The following SLC39A11 variants were observed in gnomAD, a reference collection of about 807,000 sequenced individuals.
SLC39A11 encodes the protein zinc transporter ZIP11.
A neutral mutation model predicts 36.1 loss-of-function variants in SLC39A11; 33 were observed. The ratio of observed to expected loss-of-function variants is 0.91; its 90% confidence interval spans 0.69 to 1.22. The LOEUF (loss-of-function observed/expected upper bound fraction) is 1.22, where lower values mean the gene tolerates loss of function less well. Ranked by LOEUF, SLC39A11 falls within the 50% of genes most tolerant of loss-of-function variation. The pLI, the probability that SLC39A11 is intolerant of heterozygous loss-of-function variation, is 0.00. For synonymous variants in SLC39A11, 166 were observed against 170.3 expected (o/e 0.97, Z 0.20); for missense variants, 432 against 430.3 (o/e 1.00, Z -0.03).
intron 6 of SLC39A11, among the ~76,000 whole-genome samples, chr17:72,794,396 C>A (rs1251664295): frequency 6.6e-6 from 1 of 152,068 alleles, no homozygotes; most frequent in Non-Finnish European, 1.5e-5. Context: ...CTGTTGGGTC[C>A]CAGCCAATCA....
At chr17:73,040,701 A>C (rs2059075894) in intron 3 of SLC39A11, among the ~76,000 whole-genome samples, 1 of 152,216 alleles carries the variant, frequency 6.6e-6, no homozygotes, top group African/African-American at 2.4e-5. Context: ...TGATTATAAC[A>C]TGCCCAGGCA....
At chr17:72,797,969 T>G (rs943969304) in intron 6 of SLC39A11, among the ~76,000 whole-genome samples, 2 of 152,086 alleles carry the variant, frequency 1.3e-5, no homozygotes, top group African/African-American at 4.8e-5. Context: ...TTCTCTCTCA[T>G]GCACTCATGG....
chr17:72,670,290 G>C (rs2070967093), intron 7 of SLC39A11, among the ~76,000 whole-genome samples: 2 of 151,224 alleles, frequency 1.3e-5, no homozygotes. Context: ...ATGATCACTT[G>C]AGGCTGGGAG....
rs1366393534 is a variant in SLC39A11 at position 72,900,024 on chromosome 17, GAGAGAGAGAGAA to G, written c.430+47716_430+47727del. Among the ~76,000 whole-genome samples the G allele has an allele frequency of 1.9e-3, 259 of 137,016 alleles. 3 individuals are homozygous for G. Among genetic ancestry groups the G allele is most frequent in the Non-Finnish European group, 2.1e-3 (140 of 65,490 alleles). 89.9% of individuals were successfully genotyped at this position (137,016 alleles called of 152,430 possible). A position where few individuals can be genotyped will look rare whatever the true frequency, so the allele number is the denominator to read the frequency against. On this transcript the variant is annotated intron_variant, in intron 5 of 9. Transcript: ENST00000255559. ...AGAGAAAGAGAGAGAGAGAGAAAGA[GAGAGAGAGAGAA>G]AGAGAGAGAGAAAGAGAAAGAAAGA...
intron 5 of SLC39A11, 67 bp from the exon 6 acceptor site, chr17:72,849,871 T>A: frequency 7.2e-7 from 1 of 1,392,946 alleles, no homozygotes; most frequent in Non-Finnish European, 9.5e-7. Flanking sequence ...ACGTTAACTC[T>A]CCAGCAAGCT....
chr17:72,818,101 A>G (rs986999805), intron 6 of SLC39A11, among the ~76,000 whole-genome samples: 1 of 152,170 alleles, frequency 6.6e-6, no homozygotes, highest in Non-Finnish European at 1.5e-5. Flanking sequence ...CCCACGACAC[A>G]TGAGGATTAT....
chr17:72,786,322 C>T (rs1460837335), intron 6 of SLC39A11, among the ~76,000 whole-genome samples: 1 of 152,210 alleles, frequency 6.6e-6, no homozygotes, highest in Non-Finnish European at 1.5e-5. Flanking sequence ...TCGATGCTGG[C>T]ACTTCCAGAC....
intron 5 of SLC39A11, among the ~76,000 whole-genome samples, chr17:72,899,407 C>G (rs1340761645): frequency 6.6e-6 from 1 of 152,152 alleles, no homozygotes; most frequent in Non-Finnish European, 1.5e-5. Context: ...TTTTTACCCT[C>G]TTAAGTCCCA....
intron 6 of SLC39A11, among the ~76,000 whole-genome samples, chr17:72,740,207 C>T (rs907533214): frequency 4.0e-5 from 6 of 151,826 alleles, no homozygotes; most frequent in Admixed American, 2.0e-4. Flanking sequence ...GGACTACAGG[C>T]GCCCGCCACC....
chr17:72,785,482 A>G (rs1002538400), intron 6 of SLC39A11, among the ~76,000 whole-genome samples: 4 of 152,220 alleles, frequency 2.6e-5, no homozygotes, highest in African/African-American at 4.8e-5. Context: ...GTCCTGCAGT[A>G]TTTGGCTCCT....
intron 3 of SLC39A11, among the ~76,000 whole-genome samples, chr17:73,060,383 T>G (rs896081716): frequency 6.6e-6 from 1 of 152,118 alleles, no homozygotes. Context: ...TTTTGATAAC[T>G]ATAGAAAACT....
intron 6 of SLC39A11, among the ~76,000 whole-genome samples, chr17:72,774,913 T>C (rs1056035920): frequency 2.0e-5 from 3 of 151,800 alleles, no homozygotes; most frequent in African/African-American, 7.3e-5. Flanking sequence ...CTTATTCCCT[T>C]CTCCTTGGCT....
intron 6 of SLC39A11, among the ~76,000 whole-genome samples, chr17:72,759,433 T>C (rs1371893221): frequency 1.3e-5 from 2 of 152,200 alleles, no homozygotes; most frequent in East Asian, 3.8e-4. Flanking sequence ...AGCAGGAGAA[T>C]ACAAAGGATT....
chr17:72,691,089 G>C (rs533710345), intron 7 of SLC39A11, among the ~76,000 whole-genome samples: 1 of 152,204 alleles, frequency 6.6e-6, no homozygotes, highest in Non-Finnish European at 1.5e-5. Context: ...GTCTGCACAG[G>C]TGAGGGCAGA....
chr17:72,955,298 C>CTTT (rs71359751), intron 4 of SLC39A11, among the ~76,000 whole-genome samples: 13 of 65,574 alleles, frequency 2.0e-4, no homozygotes, highest in African/African-American at 4.8e-4. Context: ...TTTCAGTTCT[C>CTTT]TTTTTTTTTT....
intron 7 of SLC39A11, among the ~76,000 whole-genome samples, chr17:72,712,451 A>T (rs976057968): frequency 1.3e-5 from 2 of 152,134 alleles, no homozygotes; most frequent in African/African-American, 4.8e-5. Flanking sequence ...GAAAGCTTCT[A>T]CTGAGTTTCA....
intron 6 of SLC39A11, among the ~76,000 whole-genome samples, chr17:72,786,153 G>A (rs1785604635): frequency 6.6e-6 from 1 of 152,200 alleles, no homozygotes; most frequent in South Asian, 2.1e-4. Flanking sequence ...GACTGCATGG[G>A]AAACCAGGAG....
chr17:72,864,204 T>A (rs2080187385), intron 5 of SLC39A11, among the ~76,000 whole-genome samples: 1 of 152,234 alleles, frequency 6.6e-6, no homozygotes, highest in Non-Finnish European at 1.5e-5. Flanking sequence ...AAATGCATAT[T>A]CCTTGCCTAT....
At position 72,732,197 on chromosome 17, in the gene SLC39A11, AG is replaced by A. The variant is rs146795093; in HGVS notation, c.671+4452del. 4.6e-5 allele frequency among the ~76,000 whole-genome samples: 7 copies of A among 151,094 alleles called. No individual in the cohort carries two copies. The East Asian group carries it at 1.4e-3, about 29-fold the overall frequency. On this transcript the variant is annotated intron_variant, in intron 7 of 9. Transcript: ENST00000255559. ...ACACCCGGCTAATTTTTGTATTTTT[AG>A]TAGGGATGGGAGGGTTTTGTAGGCC...
Sources: gnomAD v4.1 joint callset for allele counts (sites outside exome capture counted in the v4.1 genomes callset) on GRCh38, gnomAD v4.1.1 for gene constraint, MANE v1.5 for transcripts, NCBI Gene and HGNC (gene_info 2026-07-23, HGNC 2026-07-21) for gene names.